Variants in YES1 observed in about 807,000 individuals in gnomAD.
YES1 encodes tyrosine-protein kinase Yes.
In YES1, 39 loss-of-function variants were observed where a neutral mutation model predicts 70.4. The observed-to-expected ratio is 0.55, with a 90% CI of 0.43 to 0.72. The LOEUF is 0.72. YES1 is among the 30% of genes least tolerant of loss of function. The pLI is 0.00. For synonymous variants in YES1, 198 were observed against 218.6 expected, an observed-to-expected ratio of 0.91 and a Z score of 0.83; for missense variants, 495 against 644.8, an observed-to-expected ratio of 0.77 and a Z score of 2.52.
chr18:767,336 G>A (rs553221709), intron 1 of YES1, among the ~76,000 whole-genome samples: 1 of 152,024 alleles, frequency 6.6e-6, no homozygotes, highest in African/African-American at 2.4e-5. Context: ...TTTTTTGTAA[G>A]GACAGAGTTT....
At chr18:767,739 T>C (rs546953831) in intron 1 of YES1, among the ~76,000 whole-genome samples, 4 of 152,168 alleles carry the variant, frequency 2.6e-5, no homozygotes, top group Non-Finnish European at 4.4e-5. Flanking sequence ...TCTCGCTCTG[T>C]GCCTAGGCTG....
chr18:807,003 T>C (rs1055583774), intron 1 of YES1, among the ~76,000 whole-genome samples: 2 of 152,172 alleles, frequency 1.3e-5, no homozygotes, highest in African/African-American at 4.8e-5. Context: ...TGGCTGGGTG[T>C]GGTGGCCTGT....
chr18:812,016 CGCGGCG>C (rs145256073), intron 1 of YES1, 92 bp downstream of exon 1: 28 of 167,990 alleles, frequency 1.7e-4, no homozygotes, highest in Non-Finnish European at 2.7e-4. Flanking sequence ...GGCGGGGAAC[CGCGGCG>C]GCGGCGGCGG....
chr18:735,578 G>C (rs2080143238), intron 10 of YES1, among the ~76,000 whole-genome samples: 1 of 152,034 alleles, frequency 6.6e-6, no homozygotes, highest in African/African-American at 2.4e-5. Context: ...GCTGGGTGTG[G>C]TGGTACGAGC....
At chr18:790,019 T>C (rs1045892639) in intron 1 of YES1, among the ~76,000 whole-genome samples, 7 of 151,476 alleles carry the variant, frequency 4.6e-5, no homozygotes, top group African/African-American at 1.2e-4. Flanking sequence ...GATTGTGCCA[T>C]TGCACCAGGC....
intron 1 of YES1, among the ~76,000 whole-genome samples, chr18:811,039 A>G (rs1907350556): frequency 6.6e-6 from 1 of 152,222 alleles, no homozygotes; most frequent in Non-Finnish European, 1.5e-5. Context: ...TTAGTGCGTA[A>G]TTTAACTTTA....
intron 8 of YES1, among the ~76,000 whole-genome samples, chr18:741,663 T>C (rs2080218365): frequency 6.6e-6 from 1 of 152,008 alleles, no homozygotes; most frequent in Non-Finnish European, 1.5e-5. Flanking sequence ...ATTATCTATG[T>C]GTGGTGGCAT....
At chr18:756,222 T>C (rs559140230) in intron 2 of YES1, among the ~76,000 whole-genome samples, 5 of 152,064 alleles carry the variant, frequency 3.3e-5, no homozygotes, top group African/African-American at 7.2e-5. Flanking sequence ...TCCTGAGAAG[T>C]TGTCAAATTC....
intron 11 of YES1, among the ~76,000 whole-genome samples, chr18:726,851 T>C (rs2080026956): frequency 1.5e-5 from 2 of 133,168 alleles, no homozygotes; most frequent in Non-Finnish European, 3.2e-5. Flanking sequence ...TGTCAATAAA[T>C]GTAAGGATTT....
At chr18:790,304 A>T (rs1568215922) in intron 1 of YES1, among the ~76,000 whole-genome samples, 1 of 152,200 alleles carries the variant, frequency 6.6e-6, no homozygotes, top group Non-Finnish European at 1.5e-5. Context: ...TGAACCCGAG[A>T]GGCGGAAGTT....
Position 748,164 on chromosome 18 carries a change from A to T in YES1, c.372-146T>A, listed in dbSNP as rs917336817. 4.7e-6 allele frequency: 3 copies of T among 634,324 alleles called. No individual in the cohort carries two copies. The African/African-American group carries it at 5.4e-5, about 11-fold the overall frequency. The allele number at this position is 634,324 out of a possible 1,614,324, so 39.3% of individuals were successfully genotyped here. On this transcript the variant is annotated intron_variant, in intron 3 of 11. Coordinates refer to ENST00000314574, the MANE Select transcript of YES1 (RefSeq NM_005433.4). ...TTCATTGGATGAAGAATTAAACTCA[A>T]AGAATGATATTAAAAAATAGGTTAC...
intron 1 of YES1, among the ~76,000 whole-genome samples, chr18:771,936 T>C (rs370235737): frequency 6.6e-6 from 1 of 152,106 alleles, no homozygotes; most frequent in African/African-American, 2.4e-5. Flanking sequence ...AGGGATTTTA[T>C]TGTAAAGATA....
upstream of YES1, chr18:812,620 C>A (rs1391302332): frequency 6.6e-6 from 1 of 152,550 alleles, no homozygotes; most frequent in Non-Finnish European, 1.5e-5. Context: ...GGAGGTGCTT[C>A]CCTGCCCGGA....
rs552949657 is a variant in YES1, at chr18:757,306, A to G, written c.-8-471T>C. On this transcript the variant is annotated intron_variant, in intron 1 of 11. Transcript: ENST00000314574. ...ATCACGAGGTCAGGAGATTGAGACC[A>G]TCCTGGCTAACACGGTGAAACCCCG... Among the ~76,000 whole-genome samples, 88 of 151,776 alleles carry G rather than the reference A, an allele frequency of 5.8e-4. 1 individual carries two copies. The South Asian group carries it at 0.014, about 24-fold the overall frequency.
At chr18:771,822 C>T (rs1905170126) in intron 1 of YES1, among the ~76,000 whole-genome samples, 1 of 151,904 alleles carries the variant, frequency 6.6e-6, no homozygotes, top group African/African-American at 2.4e-5. Context: ...AGCTACCACA[C>T]CTGGCCTGGA....
intron 3 of YES1, among the ~76,000 whole-genome samples, chr18:748,797 T>A (rs2080309670): frequency 6.7e-6 from 1 of 150,016 alleles, no homozygotes. Context: ...TCATTTTAGA[T>A]AAAAAAAAAA....
At chr18:799,843 C>T (rs1489834151) in intron 1 of YES1, among the ~76,000 whole-genome samples, 3 of 152,034 alleles carry the variant, frequency 2.0e-5, no homozygotes, top group Non-Finnish European at 4.4e-5. Context: ...AGAGATCATG[C>T]CACTGCCCTC....
chr18:780,934 CCT>C lies in YES1; in HGVS notation c.-8-24101_-8-24100del, dbSNP rs1905626770. Among the ~76,000 whole-genome samples, 3 of 152,230 alleles carry C rather than the reference CCT, an allele frequency of 2.0e-5. No homozygotes were observed. In the South Asian group the frequency reaches 6.2e-4, roughly 32 times the overall value. On this transcript the variant is annotated intron_variant, in intron 1 of 11. Transcript: ENST00000314574. The stretch of plus-strand genomic sequence containing the variant: ...TTATGAGCCTTTGATGGTCCAGCCC[CCT>C]CTTTCTCCCAATATAAAGTCCAAAC...
At chr18:775,617 T>G (rs1164346993) in intron 1 of YES1, among the ~76,000 whole-genome samples, 1 of 152,062 alleles carries the variant, frequency 6.6e-6, no homozygotes, top group Admixed American at 6.6e-5. Context: ...AGCAACATAA[T>G]GAGACCTCAT....
Sources: allele counts gnomAD v4.1 joint callset (sites outside exome capture counted in the v4.1 genomes callset), GRCh38; gene constraint gnomAD v4.1.1; transcripts MANE v1.5; gene names NCBI Gene and HGNC (gene_info 2026-07-23, HGNC 2026-07-21).